BRWD1: variants seen among roughly 807,000 people sequenced by gnomAD.
The protein encoded by BRWD1 is bromodomain and WD repeat domain containing 1.
BRWD1 carries 82 observed loss-of-function variants against 251.2 expected under a neutral mutation model. That is an observed-to-expected ratio of 0.33 (90% CI 0.27 to 0.39). The LOEUF is 0.39. Among genes scored for constraint, BRWD1 ranks in the 10% least tolerant of loss-of-function variants. The probability of loss-of-function intolerance (pLI) is 1.00; values close to 1 mark genes in which losing one functional copy is unlikely to be tolerated. For synonymous variants in BRWD1, 918 were observed against 902.8 expected, an observed-to-expected ratio of 1.02 and a Z score of -0.30; for missense variants, 2,233 against 2,711.6, an observed-to-expected ratio of 0.82 and a Z score of 3.92.
intron 7 of BRWD1, among the ~76,000 whole-genome samples, chr21:39,294,632 G>A (rs1000370324): frequency 6.8e-6 from 1 of 147,610 alleles, no homozygotes; most frequent in Non-Finnish European, 1.5e-5. Flanking sequence ...TCCAGCCTAG[G>A]TGACAGAGTG....
At position 39,188,351 on chromosome 21, in the gene BRWD1, G is replaced by A. The variant is rs2031360523; in HGVS notation, c.*7908C>T. Reference sequence around the variant, plus strand: ...TTTCCAGACATTTAGCATTCAAAAGGTAAGGCTGTAGATCACTGAAATAAC... The same window carrying A: ...TTTCCAGACATTTAGCATTCAAAAGATAAGGCTGTAGATCACTGAAATAAC... On this transcript the variant is annotated 3_prime_UTR_variant, in exon 41 of 41. Coordinates refer to ENST00000342449, the MANE Select transcript of BRWD1 (RefSeq NM_033656.4). The A allele has an allele frequency of 1.0e-6, 1 of 985,324 alleles. No homozygotes were observed. Among genetic ancestry groups the A allele is most frequent in the East Asian group, 1.1e-4 (1 of 8,806 alleles). 61.0% of individuals were successfully genotyped at this position (985,324 alleles called of 1,614,324 possible).
Position 39,292,679 on chromosome 21 carries a change from C to T in BRWD1, c.831+1132G>A, listed in dbSNP as rs1427459123. Among the ~76,000 whole-genome samples, 4 of 152,184 alleles carry T rather than the reference C, an allele frequency of 2.6e-5. No individual in the cohort carries two copies. In the East Asian group the frequency reaches 7.7e-4, roughly 29 times the overall value. On this transcript the variant is annotated intron_variant, in intron 8 of 40. Transcript: ENST00000342449. ...CATATTAAACTACTCCAACAGGATA[C>T]AATGGGCAACATCCAAACTGTGGGG...
chr21:39,272,090 G>A (rs973637671), intron 13 of BRWD1, among the ~76,000 whole-genome samples: 1 of 150,306 alleles, frequency 6.7e-6, no homozygotes, highest in East Asian at 1.9e-4. Flanking sequence ...ACACAGAAGA[G>A]AGAATAATTC....
In BRWD1 at chr21:39,278,732, G is replaced by C; in HGVS notation, c.1003+11C>G. On this transcript the variant is annotated intron_variant, in intron 10 of 40. Coordinates refer to ENST00000342449, the MANE Select transcript of BRWD1 (RefSeq NM_033656.4). ...AAAAAAACTAAGAAAAAAATGTGAAGAAGTTCTTACCAACACTAAAAGAAG... is the reference window on the plus strand; with the variant it reads ...AAAAAAACTAAGAAAAAAATGTGAACAAGTTCTTACCAACACTAAAAGAAG... 1.3e-6 allele frequency: 2 copies of C among 1,555,952 alleles called. No homozygotes were observed. The highest frequency in any genetic ancestry group is 1.7e-6 in the Non-Finnish European group (2 of 1,157,432).
upstream of BRWD1, chr21:39,317,288 T>C (rs2036708812): frequency 6.6e-6 from 1 of 152,114 alleles, no homozygotes; most frequent in Non-Finnish European, 1.5e-5. Flanking sequence ...TTTGGGTAAA[T>C]GGAAATAACT....
chr21:39,223,040 TAA>T (rs1451584913), intron 29 of BRWD1, among the ~76,000 whole-genome samples: 1 of 152,082 alleles, frequency 6.6e-6, no homozygotes, highest in African/African-American at 2.4e-5. Flanking sequence ...TCAAAAGCCT[TAA>T]AGTCATGAAA....
chr21:39,308,499 A>AAG (rs1555879232), intron 4 of BRWD1, among the ~76,000 whole-genome samples: 8 of 151,494 alleles, frequency 5.3e-5, no homozygotes, highest in African/African-American at 1.7e-4. Context: ...AAAAAAAAAA[A>AAG]AAGCAAAAGT....
chr21:39,199,723 A>C, intron 39 of BRWD1, 61 bp from the exon 40 acceptor site: 1 of 1,397,952 alleles, frequency 7.2e-7, no homozygotes, highest in Admixed American at 2.3e-5. Context: ...TTTTTAAATG[A>C]CTATTATTTT....
intron 22 of BRWD1, 101 bp from the exon 23 acceptor site, chr21:39,236,885 G>T (rs1404336576): frequency 9.4e-7 from 1 of 1,066,480 alleles, no homozygotes; most frequent in Non-Finnish European, 1.4e-6. Flanking sequence ...GAGAAAAAGG[G>T]AAGGGAAGAT....
rs1314912847 is a variant in BRWD1 at position 39,289,675 on chromosome 21, T to C, written c.831+4136A>G. Reference sequence around the variant, plus strand: ...AGAATTATTGACTGGCATTTTCTATTAGCAATTTAAAAATATTACTTCTTT... The same window carrying C: ...AGAATTATTGACTGGCATTTTCTATCAGCAATTTAAAAATATTACTTCTTT... On this transcript the variant is annotated intron_variant, in intron 8 of 40. Transcript: ENST00000342449. 3.3e-5 allele frequency among the ~76,000 whole-genome samples: 5 copies of C among 151,900 alleles called. No individual in the cohort carries two copies. In the East Asian group the frequency reaches 7.7e-4, roughly 23 times the overall value.
chr21:39,215,025 G>A (rs892958391), intron 32 of BRWD1, among the ~76,000 whole-genome samples: 2 of 148,872 alleles, frequency 1.3e-5, no homozygotes, highest in Admixed American at 6.8e-5. Context: ...CCGCCACCAC[G>A]CCCGGCTAAT....
Position 39,187,643 on chromosome 21 carries a change from G to A in BRWD1, c.*8616C>T. 2 of 985,340 alleles carry A rather than the reference G, an allele frequency of 2.0e-6. No individual in the cohort carries two copies. The highest frequency in any genetic ancestry group is 1.7e-5 in the African/African-American group (1 of 57,346). 61.0% of individuals were successfully genotyped at this position (985,340 alleles called of 1,614,324 possible). ...TGTCACTTAAAACAGTAGCAGACTT[G>A]TAAGAATGGGGTGAAAAGTTCCTTC... On this transcript the variant is annotated 3_prime_UTR_variant, in exon 41 of 41. Transcript: ENST00000342449.
In BRWD1 at chr21:39,193,270, C is replaced by T; in HGVS notation, c.*2989G>A. On this transcript the variant is annotated 3_prime_UTR_variant, in exon 41 of 41. Coordinates refer to ENST00000342449, the MANE Select transcript of BRWD1 (RefSeq NM_033656.4). ...TGAGTAACTGCTATATCATTGTTTC[C>T]AAGGATTAATAAACTGAGAAATGAT... is the stretch of plus-strand genomic sequence containing the variant. The T allele has an allele frequency of 1.0e-6, 1 of 984,932 alleles. No homozygotes were observed. Among genetic ancestry groups the T allele is most frequent in the Non-Finnish European group, 1.2e-6 (1 of 829,684 alleles). 61.0% of individuals were successfully genotyped at this position (984,932 alleles called of 1,614,324 possible).
chr21:39,275,285 A>G (rs551442578), intron 12 of BRWD1, among the ~76,000 whole-genome samples: 1 of 152,352 alleles, frequency 6.6e-6, no homozygotes, highest in African/African-American at 2.4e-5. Context: ...GATTTAAGTA[A>G]TAATTTCTTT....
At chr21:39,295,976 A>G in intron 6 of BRWD1, 73 bp from the exon 7 acceptor site, 1 of 1,306,356 alleles carries the variant, frequency 7.7e-7, no homozygotes. Flanking sequence ...CTCAAATAAC[A>G]ATTTCTAGAG....
At position 39,293,800 on chromosome 21, in the gene BRWD1, T is replaced by G. The variant is rs748497273; in HGVS notation, c.831+11A>C. 3.1e-6 allele frequency: 5 copies of G among 1,610,234 alleles called. No individual in the cohort carries two copies. In the Admixed American group the frequency reaches 6.7e-5, roughly 21 times the overall value. ...ACATATAGGAATGTGCCCACTAAGC[T>G]ACAAGTTTACCTGTAAAGATGTAAT... On this transcript the variant is annotated intron_variant, in intron 8 of 40. Transcript: ENST00000342449.
chr21:39,213,654 G>A (rs937745473), intron 32 of BRWD1, 101 bp from the exon 33 acceptor site: 14 of 677,214 alleles, frequency 2.1e-5, no homozygotes, highest in Admixed American at 1.3e-4. Context: ...CAACCTATAC[G>A]TGCCTAATTT....
Position 39,196,557 on chromosome 21 carries a change from G to A in BRWD1, c.6512C>T (p.Thr2171Ile). The A allele has an allele frequency of 6.2e-7, 1 of 1,613,570 alleles. No individual in the cohort carries two copies. The highest frequency in any genetic ancestry group is 1.7e-5 in the Admixed American group (1 of 59,950). Residue 2171 changes from threonine to isoleucine, a missense_variant, in exon 41 of 41, where the codon ACT becomes ATT. By Grantham distance (89) the Thr-to-Ile change is moderately conservative. Transcript: ENST00000342449. Reference protein sequence around the residue: ...GSVTESDIDCTDNTKTKRRKT... With the variant: ...GSVTESDIDCIDNTKTKRRKT... The stretch of plus-strand genomic sequence containing the variant: ...CCTCCTTTTGGTTTTTGTATTATCA[G>A]TACAGTCAATATCTGATTCAGTTAC...
intron 36 of BRWD1, among the ~76,000 whole-genome samples, chr21:39,207,334 C>G (rs1180806319): frequency 6.6e-6 from 1 of 151,756 alleles, no homozygotes; most frequent in African/African-American, 2.4e-5. Context: ...ACCCGGGAGG[C>G]TGAAGCAGGC....
Sources: allele counts gnomAD v4.1 joint callset (sites outside exome capture counted in the v4.1 genomes callset), GRCh38; gene constraint gnomAD v4.1.1; transcripts MANE v1.5; gene names NCBI Gene and HGNC (gene_info 2026-07-23, HGNC 2026-07-21).